Variants in PAX2 observed in about 807,000 individuals in gnomAD.
The protein encoded by PAX2 is paired box protein Pax-2.
A neutral mutation model predicts 41.7 loss-of-function variants in PAX2; 9 were observed. The observed-to-expected ratio is 0.22, with a 90% confidence interval of 0.13 to 0.38. The LOEUF (loss-of-function observed/expected upper bound fraction) is 0.38. Among genes scored for constraint, PAX2 ranks in the 10% least tolerant of loss-of-function variants. The probability of loss-of-function intolerance (pLI) is 1.00; values close to 1 mark genes in which losing one functional copy is unlikely to be tolerated. For synonymous variants in PAX2, 221 were observed against 212.7 expected, an observed-to-expected ratio of 1.04 and a Z score of -0.34; for missense variants, 418 against 531.6, an observed-to-expected ratio of 0.79 and a Z score of 2.10.
rs1848639292 is a variant in PAX2 at position 100,827,839 on chromosome 10, G to T, written c.*220G>T. The T allele has an allele frequency of 4.6e-6, 3 of 646,766 alleles. No individual in the cohort carries two copies. The highest frequency in any genetic ancestry group is 7.8e-6 in the Non-Finnish European group (3 of 385,336). 40.1% of individuals were successfully genotyped at this position (646,766 alleles called of 1,614,324 possible). ...CCGTGGGCGGGACCCTCAGGCCCGG[G>T]CCCGCCGCCCCCAGCCCCGCCTGCC... On this transcript the variant is annotated 3_prime_UTR_variant, in exon 10 of 10. Coordinates refer to ENST00000355243, the MANE Select transcript of PAX2 (RefSeq NM_000278.5). The surrounding 1 kb of genome is among the most constrained non-coding windows in gnomAD (Gnocchi z 8.5).
chr10:100,786,206 G>A (rs928525311), intron 5 of PAX2, among the ~76,000 whole-genome samples: 2 of 152,250 alleles, frequency 1.3e-5, no homozygotes, highest in East Asian at 1.9e-4. Flanking sequence ...TGGGACCAGC[G>A]CAGTGGAGGA....
At position 100,748,311 on chromosome 10, in the gene PAX2, T is replaced by C; in HGVS notation, c.44-1435T>C. On this transcript the variant is annotated intron_variant, in intron 1 of 9. Coordinates refer to ENST00000355243, the MANE Select transcript of PAX2 (RefSeq NM_000278.5). The surrounding 1 kb of genome is among the most constrained non-coding windows in gnomAD (Gnocchi z 5.0). ...GGGAGGGGAGGGTGAGAAGTGGGGC[T>C]AGAGATAGGGAGATTAACGGGGTGG... The C allele has an allele frequency of 1.0e-6, 1 of 983,762 alleles. No individual in the cohort carries two copies. Among genetic ancestry groups the C allele is most frequent in the South Asian group, 4.7e-5 (1 of 21,206 alleles). 60.9% of individuals were successfully genotyped at this position (983,762 alleles called of 1,614,324 possible).
rs1057444341 is a variant in PAX2 at position 100,737,757 on chromosome 10, C to T, written c.25+2024C>T. On this transcript the variant is annotated intron_variant, in intron 1 of 9. Transcript: ENST00000679374. ...TCCCTGGAGGCCCTGCCCCCCTAGACGGCCCCGAGCCCTTTTGGACCTCAT... is the reference window on the plus strand; with the variant it reads ...TCCCTGGAGGCCCTGCCCCCCTAGATGGCCCCGAGCCCTTTTGGACCTCAT... 2.0e-5 allele frequency among the ~76,000 whole-genome samples: 3 copies of T among 152,230 alleles called. No individual in the cohort carries two copies. In the East Asian group the frequency reaches 5.8e-4, roughly 29 times the overall value.
At chr10:100,743,884 G>A (rs1225453895), upstream of PAX2, among the ~76,000 whole-genome samples, 1 of 152,208 alleles carries the variant, frequency 6.6e-6, no homozygotes, top group Non-Finnish European at 1.5e-5. Flanking sequence ...TAGGGGCTGG[G>A]AGGGGCAGGC....
In PAX2 at chr10:100,749,807, C is replaced by A. The variant is rs1554855753; in HGVS notation, c.105C>A (p.Asp35Glu). ...GVFVNGRPLP[D>E]VVRQRIVELA... is the part of the protein sequence containing the mutation. ...TTGTGAACGGCCGGCCCCTACCCGA[C>A]GTGGTGAGGCAGCGCATCGTGGAGC... is the stretch of plus-strand genomic sequence containing the variant. Residue 35 changes from aspartate to glutamate, a missense_variant, in exon 2 of 10, where the codon GAC becomes GAA. Physicochemically the swap from Asp to Glu is conservative, Grantham distance 45. Transcript: ENST00000355243. 3 of 1,611,610 alleles carry A rather than the reference C, an allele frequency of 1.9e-6. No homozygotes were observed. Among genetic ancestry groups the A allele is most frequent in the Non-Finnish European group, 8.5e-7 (1 of 1,178,660 alleles).
At chr10:100,767,397 C>T (rs61110281) in intron 3 of PAX2, among the ~76,000 whole-genome samples, 12,357 of 152,234 alleles carry the variant, frequency 0.081, 1,443 homozygotes, top group African/African-American at 0.26. Flanking sequence ...AAACTGTCCC[C>T]TGAGCCTGCT....
Position 100,824,496 on chromosome 10 carries a change from C to A in PAX2, c.920-152C>A. 1 of 708,090 alleles carries A rather than the reference C, an allele frequency of 1.4e-6. No homozygotes were observed. Among genetic ancestry groups the A allele is most frequent in the Non-Finnish European group, 2.6e-6 (1 of 388,166 alleles). 43.9% of individuals were successfully genotyped at this position (708,090 alleles called of 1,614,324 possible). On this transcript the variant is annotated intron_variant, in intron 7 of 9. Transcript: ENST00000355243. The surrounding 1 kb of genome is among the most constrained non-coding windows in gnomAD (Gnocchi z 6.6). ...CACATGCAAAGGCACACTCAGATGGCGCATTCAGGTGCACAGTGGCACACA... is the reference window on the plus strand; with the variant it reads ...CACATGCAAAGGCACACTCAGATGGAGCATTCAGGTGCACAGTGGCACACA...
chr10:100,809,829 T>C (rs1171699405), intron 7 of PAX2, among the ~76,000 whole-genome samples: 1 of 152,178 alleles, frequency 6.6e-6, no homozygotes, highest in African/African-American at 2.4e-5. Flanking sequence ...GGATCAGGCT[T>C]GGCCCACAAT....
At position 100,735,686 on chromosome 10, in the gene PAX2, G is replaced by T. The variant is rs568735404; in HGVS notation, c.-23G>T. 7,976 of 1,056,662 alleles carry T rather than the reference G, an allele frequency of 7.5e-3. 39 individuals carry two copies. The highest frequency in any genetic ancestry group is 8.4e-3 in the Non-Finnish European group (7,345 of 873,282). 65.5% of individuals were successfully genotyped at this position (1,056,662 alleles called of 1,614,324 possible). ...GGACAGCCAGACCCAGCCCCAGGACGCGGCGGCCGCGGGGAGCCTAGCATG... is the reference window on the plus strand; with the variant it reads ...GGACAGCCAGACCCAGCCCCAGGACTCGGCGGCCGCGGGGAGCCTAGCATG... On this transcript the variant is annotated 5_prime_UTR_variant, in exon 1 of 10. Coordinates refer to the PAX2 transcript ENST00000679374.
chr10:100,795,490 G>A (rs535275838), intron 5 of PAX2, among the ~76,000 whole-genome samples: 41 of 152,340 alleles, frequency 2.7e-4, no homozygotes, highest in Non-Finnish European at 3.7e-4. Context: ...TGATCTAAGC[G>A]TTGATATGGA....
At chr10:100,739,475 T>C (rs1844879765) in intron 1 of PAX2, among the ~76,000 whole-genome samples, 1 of 152,082 alleles carries the variant, frequency 6.6e-6, no homozygotes. Flanking sequence ...AGACGGTAGA[T>C]TTGGTGCCGG....
intron 5 of PAX2, among the ~76,000 whole-genome samples, chr10:100,785,766 C>T (rs1464356715): frequency 6.6e-6 from 1 of 152,122 alleles, no homozygotes; most frequent in African/African-American, 2.4e-5. Flanking sequence ...AAGGAAGGCA[C>T]AGGGTAGGAG....
chr10:100,746,867 C>G (rs997759761), intron 1 of PAX2: 1 of 153,962 alleles, frequency 6.5e-6, no homozygotes, highest in Admixed American at 6.4e-5. Flanking sequence ...GTGGGGTGCC[C>G]CCTTCTGACC....
At chr10:100,794,023 C>T (rs542763145) in intron 5 of PAX2, among the ~76,000 whole-genome samples, 1 of 152,242 alleles carries the variant, frequency 6.6e-6, no homozygotes, top group East Asian at 1.9e-4. Context: ...GGGGCTTCAG[C>T]CTGGGAGCCT....
At chr10:100,805,283 G>A (rs147129700) in intron 5 of PAX2, among the ~76,000 whole-genome samples, 3 of 152,258 alleles carry the variant, frequency 2.0e-5, no homozygotes, top group African/African-American at 7.2e-5. Flanking sequence ...ATATCATATC[G>A]TATAATCACC....
chr10:100,750,595 C>A lies in PAX2; in HGVS notation c.213-99C>A. 1 of 1,086,718 alleles carries A rather than the reference C, an allele frequency of 9.2e-7. No homozygotes were observed. Among genetic ancestry groups the A allele is most frequent in the Non-Finnish European group, 1.4e-6 (1 of 728,486 alleles). 67.3% of individuals were successfully genotyped at this position (1,086,718 alleles called of 1,614,324 possible). On this transcript the variant is annotated intron_variant, in intron 2 of 9. Coordinates refer to ENST00000355243, the MANE Select transcript of PAX2 (RefSeq NM_000278.5). The surrounding 1 kb of genome is among the most constrained non-coding windows in gnomAD (Gnocchi z 4.1). ...GCCTTTTCCCTCCACTCCGCTGCCT[C>A]GGCCGGGCAGGAGAGTGGCTCAGCA...
upstream of PAX2, among the ~76,000 whole-genome samples, chr10:100,741,502 A>G (rs574735767): frequency 1.1e-4 from 17 of 150,204 alleles, no homozygotes; most frequent in East Asian, 3.4e-3. Context: ...GGAGGGGGAA[A>G]GGCCGGGCAG....
At chr10:100,756,512 T>C (rs1845637348) in intron 3 of PAX2, among the ~76,000 whole-genome samples, 1 of 152,228 alleles carries the variant, frequency 6.6e-6, no homozygotes, top group African/African-American at 2.4e-5. Context: ...GCATGAGATA[T>C]CCAACACTTT....
intron 7 of PAX2, among the ~76,000 whole-genome samples, chr10:100,819,403 T>C (rs982147272): frequency 9.2e-5 from 14 of 151,898 alleles, no homozygotes; most frequent in Admixed American, 3.9e-4. Flanking sequence ...ACCCCGTCTC[T>C]ACTAAAAAAT....
Sources: allele counts gnomAD v4.1 joint callset (sites outside exome capture counted in the v4.1 genomes callset), GRCh38; gene constraint gnomAD v4.1.1; non-coding constraint Gnocchi (gnomAD v3.1); transcripts MANE v1.5; gene names NCBI Gene and HGNC (gene_info 2026-07-23, HGNC 2026-07-21).